ZNF34: variants seen among roughly 807,000 people sequenced by gnomAD.
ZNF34 encodes the protein zinc finger protein 34 (KOX 32).
ZNF34 carries 8 observed loss-of-function variants against 14.4 expected under a neutral mutation model. The observed-to-expected ratio is 0.55, with a 90% confidence interval of 0.33 to 1.00. The LOEUF (loss-of-function observed/expected upper bound fraction) is 1.00. ZNF34 is among the 50% of genes least tolerant of loss of function. ZNF34 has a pLI of 0.03. For missense variants in ZNF34, 538 were observed against 674.2 expected, an observed-to-expected ratio of 0.80 and a Z score of 2.24; for synonymous variants, 235 against 247.9, an observed-to-expected ratio of 0.95 and a Z score of 0.49.
chr8:144,774,706 C>T, intron 5 of ZNF34, 101 bp from the exon 6 acceptor site: 1 of 1,404,448 alleles, frequency 7.1e-7, no homozygotes, highest in Non-Finnish European at 9.6e-7. Context: ...TTGATCATCT[C>T]CAAAGTCCCA....
chr8:144,774,333 G>C lies in ZNF34; in HGVS notation c.553C>G (p.Gln185Glu). ...TTATGGTTGTTGAGATATGATCTCTGTTCAAAACTTTGCTCACATATATCA... is the reference window on the plus strand; with the variant it reads ...TTATGGTTGTTGAGATATGATCTCTCTTCAAAACTTTGCTCACATATATCA... ...KCDICEQSFE[Q>E]RSYLNNHKRV... Residue 185 changes from glutamine (Q) to glutamate (E), a missense_variant, in exon 6 of 6, where the codon CAG (glutamine) becomes GAG (glutamate). Physicochemically the swap from Gln to Glu is conservative, Grantham distance 29. Around this residue, in one of 3 missense-constraint regions of ZNF34, gnomAD observed 431 missense variants for 525.7 expected, o/e 0.82. Transcript: ENST00000429371. 6.2e-7 allele frequency: 1 copy of C among 1,612,210 alleles called. No homozygotes were observed. Among genetic ancestry groups the C allele is most frequent in the Non-Finnish European group, 8.5e-7 (1 of 1,179,020 alleles).
intron 1 of ZNF34, among the ~76,000 whole-genome samples, chr8:144,784,785 T>C (rs1412257516): frequency 6.6e-6 from 1 of 150,560 alleles, no homozygotes; most frequent in Non-Finnish European, 1.5e-5. Flanking sequence ...TAAAAATAAA[T>C]AAACAATAAA....
At position 144,777,692 on chromosome 8, in the gene ZNF34, C is replaced by G; in HGVS notation, c.161-115G>C. 7.7e-7 allele frequency: 1 copy of G among 1,293,586 alleles called. No individual in the cohort carries two copies. Among genetic ancestry groups the G allele is most frequent in the Admixed American group, 2.3e-5 (1 of 44,196 alleles). The allele number at this position is 1,293,586 out of a possible 1,614,324, so 80.1% of individuals were successfully genotyped here. On this transcript the variant is annotated intron_variant, in intron 4 of 5. Coordinates refer to ENST00000429371, the MANE Select transcript of ZNF34 (RefSeq NM_001286769.2). This position sits in a 1 kb window ranked among gnomAD's most constrained non-coding sequence, Gnocchi z 4.8. ...CACAGGCAGAGGGGGTGATGGAAGCCTGGACACTCTCTGGAGGGCACTGAG... is the reference window on the plus strand; with the variant it reads ...CACAGGCAGAGGGGGTGATGGAAGCGTGGACACTCTCTGGAGGGCACTGAG...
chr8:144,773,221 C>A lies in ZNF34; in HGVS notation c.*45G>T, dbSNP rs755834923. 1.9e-6 allele frequency: 3 copies of A among 1,547,688 alleles called. No homozygotes were observed. The highest frequency in any genetic ancestry group is 3.7e-5 in the Admixed American group (2 of 53,514). ...CAGAGTCAGGTGCCGGGGGCGCATG[C>A]AGGAAGTGCTCAGCTGGACTCTGCC... On this transcript the variant is annotated 3_prime_UTR_variant, in exon 6 of 6. Coordinates refer to ENST00000429371, the MANE Select transcript of ZNF34 (RefSeq NM_001286769.2). This position sits in a 1 kb window ranked among gnomAD's most constrained non-coding sequence, Gnocchi z 5.4.
At chr8:144,782,714 G>A (rs1825964389) in intron 1 of ZNF34, among the ~76,000 whole-genome samples, 1 of 151,488 alleles carries the variant, frequency 6.6e-6, no homozygotes, top group South Asian at 2.1e-4. Flanking sequence ...GCATGTGCCT[G>A]TAGTCCCAGC....
chr8:144,781,446 C>G (rs112996815), intron 1 of ZNF34, among the ~76,000 whole-genome samples: 9,181 of 151,762 alleles, frequency 0.06, 925 homozygotes, highest in African/African-American at 0.21. Flanking sequence ...TTAGTAGAGA[C>G]GGAGTTTCAC....
intron 1 of ZNF34, among the ~76,000 whole-genome samples, chr8:144,781,322 A>G (rs867207276): frequency 1.6e-4 from 24 of 150,228 alleles, no homozygotes; most frequent in Middle Eastern, 7.0e-3. Context: ...AGGCTAGAGT[A>G]CAGTGGCGCG....
intron 1 of ZNF34, 143 bp from the exon 2 acceptor site, chr8:144,780,423 A>C: frequency 1.6e-6 from 1 of 631,458 alleles, no homozygotes; most frequent in Non-Finnish European, 2.7e-6. Flanking sequence ...AAAGTTGACA[A>C]ATCCTGAGTA....
chr8:144,774,784 C>T (rs1320226312), intron 5 of ZNF34, among the ~76,000 whole-genome samples, 179 bp from the exon 6 acceptor site: 3 of 152,198 alleles, frequency 2.0e-5, no homozygotes, highest in Non-Finnish European at 2.9e-5. Context: ...CACAGTCATA[C>T]AGCCCTTCAA....
intron 1 of ZNF34, among the ~76,000 whole-genome samples, chr8:144,786,063 C>A (rs1051470997): frequency 7.0e-6 from 1 of 143,740 alleles, no homozygotes; most frequent in Non-Finnish European, 1.5e-5. Context: ...TGGCTCACTG[C>A]AAGCTCCGCC....
intron 3 of ZNF34, 38 bp from the exon 4 acceptor site, chr8:144,778,202 C>G: frequency 6.3e-7 from 1 of 1,591,422 alleles, no homozygotes; most frequent in Non-Finnish European, 8.6e-7. Context: ...AGGTGTGGTC[C>G]AGAGTGGGCT....
At chr8:144,781,658 C>CA (rs978210596) in intron 1 of ZNF34, among the ~76,000 whole-genome samples, 33 of 150,940 alleles carry the variant, frequency 2.2e-4, no homozygotes, top group African/African-American at 5.4e-4. Flanking sequence ...TGAACATTAC[C>CA]AAAAAAAACA....
At chr8:144,778,364 A>G in intron 3 of ZNF34, 75 bp downstream of exon 3, 3 of 1,425,308 alleles carry the variant, frequency 2.1e-6, no homozygotes, top group Non-Finnish European at 2.8e-6. Flanking sequence ...ATCCCAAACC[A>G]GAGACACCTG....
rs1213326317 is a variant in ZNF34, at chr8:144,778,133, TACACAGC to T, written c.58_64del (p.Ala20ThrfsTer21). On this transcript the variant is annotated frameshift_variant, in exon 4 of 6. Transcript: ENST00000429371. LOFTEE classifies it high-confidence loss of function. ...GCGGCCCCATTCCTCCCGGGAGAGG[TACACAGC>T]CACGTCCTCGAAGGTCACCTCGGCC... 2 of 1,613,456 alleles carry T rather than the reference TACACAGC, an allele frequency of 1.2e-6. No individual in the cohort carries two copies. Among genetic ancestry groups the T allele is most frequent in the Admixed American group, 3.3e-5 (2 of 59,924 alleles).
rs969527483 is a variant in ZNF34 at position 144,774,743 on chromosome 8, A to C, written c.281-138T>G. 2.9e-6 allele frequency: 3 copies of C among 1,042,988 alleles called. No homozygotes were observed. The Admixed American group carries it at 7.1e-5, about 25-fold the overall frequency. The allele number at this position is 1,042,988 out of a possible 1,614,324, so 64.6% of individuals were successfully genotyped here. A position where few individuals can be genotyped will look rare whatever the true frequency, so the allele number is the denominator to read the frequency against. On this transcript the variant is annotated intron_variant, in intron 5 of 5. Transcript: ENST00000429371. ...CAGCCTTGCAAAGATAAGAGCCTGGAGCTCAGAGGCTTATGCAGCTCACCT... is the reference window on the plus strand; with the variant it reads ...CAGCCTTGCAAAGATAAGAGCCTGGCGCTCAGAGGCTTATGCAGCTCACCT...
At position 144,773,072 on chromosome 8, in the gene ZNF34, C is replaced by T; in HGVS notation, c.*194G>A. 5.1e-6 allele frequency: 3 copies of T among 587,302 alleles called. No individual in the cohort carries two copies. Among genetic ancestry groups the T allele is most frequent in the Non-Finnish European group, 5.4e-6 (2 of 370,766 alleles). 36.4% of individuals were successfully genotyped at this position (587,302 alleles called of 1,614,324 possible). A position where few individuals can be genotyped will look rare whatever the true frequency, so the allele number is the denominator to read the frequency against. On this transcript the variant is annotated 3_prime_UTR_variant, in exon 6 of 6. Transcript: ENST00000429371. This position sits in a 1 kb window ranked among gnomAD's most constrained non-coding sequence, Gnocchi z 5.4. Reference sequence around the variant, plus strand: ...GAGATCACAGAAGCTTCTTTTTTGCCCACTTTTCTGTCTCAATTTCTCTAA... The same window carrying T: ...GAGATCACAGAAGCTTCTTTTTTGCTCACTTTTCTGTCTCAATTTCTCTAA...
chr8:144,785,523 G>C (rs1245851441), intron 1 of ZNF34: 1 of 152,224 alleles, frequency 6.6e-6, no homozygotes, highest in Non-Finnish European at 1.5e-5. Flanking sequence ...CTGATCAGTA[G>C]TGGGATCACG....
At position 144,772,771 on chromosome 8, in the gene ZNF34, C is replaced by A. The variant is rs548069654; in HGVS notation, c.*495G>T. On this transcript the variant is annotated 3_prime_UTR_variant, in exon 6 of 6. Transcript: ENST00000429371. ...GCCAGGCTGGTCTCAAACTCCTGAC[C>A]TCAAGTGATCCACCCACCTTGGCCT... Among the ~76,000 whole-genome samples, 6 of 152,236 alleles carry A rather than the reference C, an allele frequency of 3.9e-5. No individual in the cohort carries two copies. The South Asian group carries it at 1.2e-3, about 32-fold the overall frequency.
chr8:144,783,206 G>A (rs1251314858), intron 1 of ZNF34, among the ~76,000 whole-genome samples: 1 of 152,138 alleles, frequency 6.6e-6, no homozygotes, highest in Non-Finnish European at 1.5e-5. Flanking sequence ...ACTTGACCCT[G>A]GGAAGCATAG....
Sources: gnomAD v4.1 joint callset for allele counts (sites outside exome capture counted in the v4.1 genomes callset) on GRCh38, gnomAD v4.1.1 for gene constraint, gnomAD v4.1.1 regional missense constraint, Gnocchi (gnomAD v3.1) non-coding constraint, MANE v1.5 for transcripts, NCBI Gene and HGNC (gene_info 2026-07-23, HGNC 2026-07-21) for gene names.